The following BMP6 variants were observed in gnomAD, a reference collection of about 807,000 sequenced individuals.
The protein encoded by BMP6 is bone morphogenetic protein 6.
A neutral mutation model predicts 54.1 loss-of-function variants in BMP6; 17 were observed. That is an observed-to-expected ratio of 0.31 (90% CI 0.22 to 0.47). The LOEUF is 0.47. Ranked by LOEUF, BMP6 falls within the 20% of genes least tolerant of loss-of-function variation. The probability of loss-of-function intolerance (pLI) is 1.00; values close to 1 mark genes in which losing one functional copy is unlikely to be tolerated. For synonymous variants in BMP6, 328 were observed against 291.2 expected (o/e 1.13, Z -1.28); for missense variants, 720 against 690.4 (o/e 1.04, Z -0.48).
At chr6:7,754,687 C>T (rs1419798649) in intron 1 of BMP6, among the ~76,000 whole-genome samples, 1 of 152,098 alleles carries the variant, frequency 6.6e-6, no homozygotes, top group African/African-American at 2.4e-5. Flanking sequence ...CATTTGTGTG[C>T]ACACGGCATA....
chr6:7,803,544 C>T (rs762591450), intron 1 of BMP6, among the ~76,000 whole-genome samples: 4 of 152,160 alleles, frequency 2.6e-5, no homozygotes, highest in Non-Finnish European at 5.9e-5. Flanking sequence ...TACACATTCA[C>T]AGTCTACTTC....
chr6:7,880,633 A>G lies in BMP6; in HGVS notation c.*290A>G, dbSNP rs1329825215. ...GAAGCTCTTCCTACCCTCCTCCCCC[A>G]AAAACCCACCAAAATTAGTTTTAGC... On this transcript the variant is annotated 3_prime_UTR_variant, in exon 7 of 7. Transcript: ENST00000283147. The G allele has an allele frequency of 2.4e-6, 1 of 423,796 alleles. No homozygotes were observed. Among genetic ancestry groups the G allele is most frequent in the African/African-American group, 2.0e-5 (1 of 50,668 alleles). 26.3% of individuals were successfully genotyped at this position (423,796 alleles called of 1,614,324 possible). A position where few individuals can be genotyped will look rare whatever the true frequency, so the allele number is the denominator to read the frequency against.
intron 1 of BMP6, among the ~76,000 whole-genome samples, chr6:7,813,108 A>AAAAAAAATATAT (rs1554122651): frequency 9.3e-5 from 2 of 21,492 alleles, no homozygotes; most frequent in Non-Finnish European, 7.6e-5. Context: ...AAAAAAAAAA[A>AAAAAAAATATAT]ATATATATAT....
In BMP6 at chr6:7,880,272, T is replaced by C; in HGVS notation, c.1471T>C (p.Phe491Leu). 3 of 1,614,186 alleles carry C rather than the reference T, an allele frequency of 1.9e-6. No individual in the cohort carries two copies. The highest frequency in any genetic ancestry group is 2.5e-6 in the Non-Finnish European group (3 of 1,180,034). ...GCTAAATGCCATCTCGGTTCTTTAC[T>C]TTGATGACAACTCCAATGTCATTCT... ...TKLNAISVLY[F>L]DDNSNVILKK... The change falls in exon 7 of 7, where the codon TTT becomes CTT. Residue 491 changes from phenylalanine to leucine, a missense_variant. Coordinates refer to ENST00000283147, the MANE Select transcript of BMP6 (RefSeq NM_001718.6).
rs117495454 is a variant in BMP6 at position 7,875,056 on chromosome 6, G to C, written c.1205-4018G>C. On this transcript the variant is annotated intron_variant, in intron 4 of 6. Coordinates refer to ENST00000283147, the MANE Select transcript of BMP6 (RefSeq NM_001718.6). ...AAAGCTGGTGGTGTAATTCAGTCTT[G>C]AGTCCAAAGGCTTGAGAACCAGGTG... Among the ~76,000 whole-genome samples, 63 of 152,216 alleles carry C rather than the reference G, an allele frequency of 4.1e-4. No homozygotes were observed. In the East Asian group the frequency reaches 0.011, roughly 26 times the overall value.
Position 7,727,063 on chromosome 6 carries a change from C to G in BMP6, c.108C>G (p.Ala36=). ...GGCCGCCCTTGCCCGCTGCCGCGGCCGCCGCCGCCGGGGGGCAGCTGCTGG... is the reference window on the plus strand; with the variant it reads ...GGCCGCCCTTGCCCGCTGCCGCGGCGGCCGCCGCCGGGGGGCAGCTGCTGG... The part of the protein sequence containing the change: ...PLRPPLPAAA[A]AAAGGQLLGD... The change falls in exon 1 of 7, where the codon GCC becomes GCG. Residue 36 remains alanine, a synonymous_variant. Coordinates refer to ENST00000283147, the MANE Select transcript of BMP6 (RefSeq NM_001718.6). 1 of 1,197,592 alleles carries G rather than the reference C, an allele frequency of 8.4e-7. No individual in the cohort carries two copies. Among genetic ancestry groups the G allele is most frequent in the Non-Finnish European group, 1.0e-6 (1 of 964,976 alleles). The allele number at this position is 1,197,592 out of a possible 1,614,324, so 74.2% of individuals were successfully genotyped here.
In BMP6 at chr6:7,813,128, T is replaced by A. The variant is rs1276532565; in HGVS notation, c.665-32012T>A. Among the ~76,000 whole-genome samples the A allele has an allele frequency of 3.3e-3, 249 of 75,932 alleles. 16 individuals are homozygous for A. The highest frequency in any genetic ancestry group is 8.0e-3 in the African/African-American group (118 of 14,790). 49.8% of individuals were successfully genotyped at this position (75,932 alleles called of 152,430 possible). ...AAAAAAATATATATATATATATATA[T>A]ATATATATATATATATATATAAAAT... is the stretch of plus-strand genomic sequence containing the variant. On this transcript the variant is annotated intron_variant, in intron 1 of 6. Coordinates refer to ENST00000283147, the MANE Select transcript of BMP6 (RefSeq NM_001718.6).
chr6:7,814,134 CTCTT>C (rs2113215372), intron 1 of BMP6, among the ~76,000 whole-genome samples: 1 of 152,342 alleles, frequency 6.6e-6, no homozygotes, highest in South Asian at 2.1e-4. Context: ...CTCTGCCTCT[CTCTT>C]CTGTTACCAG....
intron 1 of BMP6, among the ~76,000 whole-genome samples, chr6:7,798,419 C>G (rs1421092010): frequency 6.6e-6 from 1 of 152,204 alleles, no homozygotes; most frequent in African/African-American, 2.4e-5. Context: ...TCATGCAGCC[C>G]CTTAGAGTTG....
chr6:7,792,896 A>C (rs1758130789), intron 1 of BMP6, among the ~76,000 whole-genome samples: 1 of 152,270 alleles, frequency 6.6e-6, no homozygotes, highest in African/African-American at 2.4e-5. Flanking sequence ...GGGTCTAGTA[A>C]CATAAACTAA....
chr6:7,874,058 C>T (rs573138361), intron 4 of BMP6, among the ~76,000 whole-genome samples: 1 of 152,246 alleles, frequency 6.6e-6, no homozygotes, highest in East Asian at 1.9e-4. Flanking sequence ...GAGCGCAGGG[C>T]GTTAGGACCT....
chr6:7,869,073 C>T (rs1014182835), intron 4 of BMP6, among the ~76,000 whole-genome samples: 3 of 152,102 alleles, frequency 2.0e-5, no homozygotes, highest in Admixed American at 6.5e-5. Flanking sequence ...TCAGGCGCAC[C>T]CCCCCTGGGA....
At chr6:7,813,108 A>AAAAAAATATATATATAT in intron 1 of BMP6, among the ~76,000 whole-genome samples, 1 of 21,496 alleles carries the variant, frequency 4.7e-5, no homozygotes, top group Non-Finnish European at 7.6e-5. Flanking sequence ...AAAAAAAAAA[A>AAAAAAATATATATATAT]ATATATATAT....
intron 1 of BMP6, among the ~76,000 whole-genome samples, chr6:7,729,749 T>C (rs1026021556): frequency 6.6e-6 from 1 of 152,154 alleles, no homozygotes; most frequent in Non-Finnish European, 1.5e-5. Context: ...CAAACATTGC[T>C]ACACATTAGA....
At position 7,880,205 on chromosome 6, in the gene BMP6, G is replaced by A. The variant is rs1319282365; in HGVS notation, c.1404G>A (p.Met468Ile). Residue 468 changes from methionine (M) to isoleucine (I), a missense_variant, in exon 7 of 7, where the codon ATG becomes ATA. Physicochemically the swap from Met to Ile is conservative, Grantham distance 10 (BLOSUM62 1). Around this residue, in one of 3 missense-constraint regions of BMP6, gnomAD observed 27 missense variants for 80.1 expected, o/e 0.34. Coordinates refer to ENST00000283147, the MANE Select transcript of BMP6 (RefSeq NM_001718.6). ...CTGTTTTGGAACAGGTTCACCTTAT[G>A]AACCCCGAGTATGTCCCCAAACCGT... ...HAIVQTLVHL[M>I]NPEYVPKPCC... is the part of the protein sequence containing the mutation. 2.5e-6 allele frequency: 4 copies of A among 1,614,138 alleles called. No homozygotes were observed. The highest frequency in any genetic ancestry group is 3.4e-6 in the Non-Finnish European group (4 of 1,180,030).
intron 1 of BMP6, among the ~76,000 whole-genome samples, chr6:7,826,256 A>G (rs1444427451): frequency 6.6e-6 from 1 of 152,152 alleles, no homozygotes; most frequent in Non-Finnish European, 1.5e-5. Context: ...GGTCGCTTCT[A>G]GTCAAGTTTC....
intron 1 of BMP6, among the ~76,000 whole-genome samples, chr6:7,803,026 AATC>A (rs1319725822): frequency 6.6e-6 from 1 of 152,232 alleles, no homozygotes; most frequent in Non-Finnish European, 1.5e-5. Context: ...GACAAAAGCA[AATC>A]AACCTGGGAA....
At chr6:7,857,751 A>G (rs1262635931) in intron 2 of BMP6, among the ~76,000 whole-genome samples, 1 of 152,246 alleles carries the variant, frequency 6.6e-6, no homozygotes, top group African/African-American at 2.4e-5. Flanking sequence ...ACATTAGTAC[A>G]TGTGGGTCAG....
chr6:7,855,990 C>T (rs1466373379), intron 2 of BMP6, among the ~76,000 whole-genome samples: 1 of 151,942 alleles, frequency 6.6e-6, no homozygotes, highest in Non-Finnish European at 1.5e-5. Context: ...AATATTCTAA[C>T]AGCAAAGTGA....
Sources: allele counts gnomAD v4.1 joint callset (sites outside exome capture counted in the v4.1 genomes callset), GRCh38; gene constraint gnomAD v4.1.1; regional missense constraint gnomAD v4.1.1; transcripts MANE v1.5; gene names NCBI Gene and HGNC (gene_info 2026-07-23, HGNC 2026-07-21).